THSD7B: variants seen among roughly 807,000 people sequenced by gnomAD.
The protein encoded by THSD7B is thrombospondin type 1 domain containing 7B.
In THSD7B, 138 loss-of-function variants were observed where a neutral mutation model predicts 213.6. That is an observed-to-expected ratio of 0.65 (90% CI 0.56 to 0.74). The LOEUF is 0.74. Ranked by LOEUF, THSD7B falls within the 30% of genes least tolerant of loss-of-function variation. The probability of loss-of-function intolerance (pLI) is 0.00; values close to 1 mark genes in which losing one functional copy is unlikely to be tolerated. For synonymous variants in THSD7B, 742 were observed against 687.0 expected (o/e 1.08, Z -1.25); for missense variants, 1,931 against 1,991.5 (o/e 0.97, Z 0.58).
In THSD7B at chr2:137,160,198, C is replaced by T; in HGVS notation, c.1370-15C>T. The T allele has an allele frequency of 6.2e-7, 1 of 1,606,280 alleles. No individual in the cohort carries two copies. Among genetic ancestry groups the T allele is most frequent in the South Asian group, 1.1e-5 (1 of 89,408 alleles). On this transcript the variant is annotated splice_polypyrimidine_tract_variant and intron_variant, in intron 5 of 27. Coordinates refer to ENST00000409968, the MANE Select transcript of THSD7B (RefSeq NM_001316349.2). ...CAGAGAATGTGACATGGTCCGTTATCTTTTTGTCCCTCAGTCTCTAGACCT... is the reference window on the plus strand; with the variant it reads ...CAGAGAATGTGACATGGTCCGTTATTTTTTTGTCCCTCAGTCTCTAGACCT...
At chr2:136,946,690 G>T (rs1684944925) in intron 2 of THSD7B, among the ~76,000 whole-genome samples, 1 of 152,296 alleles carries the variant, frequency 6.6e-6, no homozygotes, top group South Asian at 2.1e-4. Flanking sequence ...CTCAGCAATG[G>T]TGGACACCCC....
intron 12 of THSD7B, among the ~76,000 whole-genome samples, chr2:137,354,151 G>A (rs1274886486): frequency 6.6e-6 from 1 of 151,828 alleles, no homozygotes; most frequent in East Asian, 1.9e-4. Context: ...TTGTAGTTAT[G>A]TGTTCATATA....
intron 11 of THSD7B, among the ~76,000 whole-genome samples, chr2:137,274,641 G>T (rs1297968295): frequency 6.6e-6 from 1 of 151,926 alleles, no homozygotes; most frequent in Non-Finnish European, 1.5e-5. Context: ...ATTCACCAAG[G>T]TAAAGGAGAT....
At chr2:137,475,949 C>A (rs992218715) in intron 15 of THSD7B, among the ~76,000 whole-genome samples, 1 of 152,040 alleles carries the variant, frequency 6.6e-6, no homozygotes, top group African/African-American at 2.4e-5. Flanking sequence ...TAGAAGAGAT[C>A]CCTTTTCTTT....
intron 12 of THSD7B, among the ~76,000 whole-genome samples, chr2:137,361,726 G>A (rs1685266492): frequency 6.6e-6 from 1 of 152,136 alleles, no homozygotes. Flanking sequence ...AGAAATATGA[G>A]ACTACGTGAA....
chr2:136,807,242 A>G (rs891067389), intron 1 of THSD7B, among the ~76,000 whole-genome samples: 2 of 152,112 alleles, frequency 1.3e-5, no homozygotes, highest in Admixed American at 1.3e-4. Context: ...AGGAATATTT[A>G]TGTAACTTAT....
chr2:137,395,332 G>T (rs1211230638), intron 12 of THSD7B, among the ~76,000 whole-genome samples: 3 of 150,220 alleles, frequency 2.0e-5, no homozygotes, highest in East Asian at 3.9e-4. Context: ...TTTGAAATAT[G>T]TCCCATCATT....
chr2:137,258,782 G>A (rs1474336192), intron 10 of THSD7B, among the ~76,000 whole-genome samples: 1 of 151,462 alleles, frequency 6.6e-6, no homozygotes, highest in East Asian at 1.9e-4. Context: ...CCATCATCTA[G>A]GTTTTAAGCC....
intron 15 of THSD7B, among the ~76,000 whole-genome samples, chr2:137,494,425 G>T (rs1679512236): frequency 6.6e-6 from 1 of 151,984 alleles, no homozygotes; most frequent in Non-Finnish European, 1.5e-5. Context: ...CTTTCTGAGA[G>T]TCAAGGACAG....
intron 12 of THSD7B, among the ~76,000 whole-genome samples, chr2:137,356,878 T>C (rs562113728): frequency 6.6e-6 from 1 of 151,896 alleles, no homozygotes; most frequent in East Asian, 1.9e-4. Context: ...GGATCAGTAA[T>C]ACAGTGTCAA....
chr2:137,331,154 T>G (rs186314087), intron 12 of THSD7B, among the ~76,000 whole-genome samples: 1 of 139,018 alleles, frequency 7.2e-6, no homozygotes. Flanking sequence ...ACATAAATGT[T>G]CTCCAAGGCC....
At chr2:137,089,436 A>C (rs1430912638) in intron 3 of THSD7B, among the ~76,000 whole-genome samples, 1 of 151,170 alleles carries the variant, frequency 6.6e-6, no homozygotes, top group Non-Finnish European at 1.5e-5. Flanking sequence ...ATATGTGTAT[A>C]TATATGTGCG....
chr2:137,543,338 C>G (rs565778847), intron 15 of THSD7B, among the ~76,000 whole-genome samples: 1 of 151,922 alleles, frequency 6.6e-6, no homozygotes, highest in Admixed American at 6.6e-5. Context: ...CTCTGCAATA[C>G]TGTTGTTCAG....
At chr2:137,557,072 G>T (rs1037668445) in intron 15 of THSD7B, among the ~76,000 whole-genome samples, 57 of 152,172 alleles carry the variant, frequency 3.7e-4, no homozygotes, top group Non-Finnish European at 7.2e-4. Flanking sequence ...AAGAGACTTA[G>T]ACTCCCACAC....
intron 2 of THSD7B, among the ~76,000 whole-genome samples, chr2:136,955,365 G>C (rs1278408897): frequency 6.6e-6 from 1 of 152,146 alleles, no homozygotes; most frequent in Non-Finnish European, 1.5e-5. Context: ...AAATCACCTA[G>C]CTAAATTAGC....
At chr2:136,826,321 C>T (rs150086063) in intron 1 of THSD7B, among the ~76,000 whole-genome samples, 1 of 152,142 alleles carries the variant, frequency 6.6e-6, no homozygotes, top group Non-Finnish European at 1.5e-5. Context: ...TACATTTGCA[C>T]AAAATAAACT....
In THSD7B at chr2:137,242,476, C is replaced by T. The variant is rs1349505841; in HGVS notation, c.2170C>T (p.Pro724Ser). 6.2e-7 allele frequency: 1 copy of T among 1,613,714 alleles called. No homozygotes were observed. The highest frequency in any genetic ancestry group is 8.5e-7 in the Non-Finnish European group (1 of 1,179,750). The change falls in exon 10 of 28, where the codon CCT becomes TCT. Residue 724 changes from proline (P) to serine (S), a missense_variant. By Grantham distance (74) the Pro-to-Ser change is moderately conservative. Coordinates refer to ENST00000409968, the MANE Select transcript of THSD7B (RefSeq NM_001316349.2). ...TGACAGATGTCCAGATTCTACTCGA[C>T]CTGAAACTGTGCGCCCCTGTTTTCT... Reference protein sequence around the residue: ...MTKRCPDSTRPETVRPCFLPC... With the variant: ...MTKRCPDSTRSETVRPCFLPC...
intron 5 of THSD7B, among the ~76,000 whole-genome samples, chr2:137,124,787 G>A (rs747724737): frequency 3.3e-5 from 5 of 151,922 alleles, no homozygotes; most frequent in Non-Finnish European, 5.9e-5. Flanking sequence ...TTTTGATGTA[G>A]GCATGTATGT....
At chr2:137,359,301 C>T (rs1386346859) in intron 12 of THSD7B, among the ~76,000 whole-genome samples, 1 of 152,196 alleles carries the variant, frequency 6.6e-6, no homozygotes, top group East Asian at 1.9e-4. Context: ...TGGGCCAGGA[C>T]TTTGATGAAT....
Sources: allele counts gnomAD v4.1 joint callset (sites outside exome capture counted in the v4.1 genomes callset), GRCh38; gene constraint gnomAD v4.1.1; transcripts MANE v1.5; gene names NCBI Gene and HGNC (gene_info 2026-07-23, HGNC 2026-07-21).